TAMM41: variants seen among roughly 807,000 people sequenced by gnomAD.
TAMM41 encodes the protein phosphatidate cytidylyltransferase, mitochondrial.
In TAMM41, 36 loss-of-function variants were observed where a neutral mutation model predicts 44.1. The observed-to-expected ratio is 0.82, with a 90% CI of 0.63 to 1.08. The LOEUF (loss-of-function observed/expected upper bound fraction) is 1.08, where lower values mean the gene tolerates loss of function less well. TAMM41 is among the 50% of genes least tolerant of loss of function. The pLI is 0.00. For synonymous variants in TAMM41, 164 were observed against 153.1 expected (o/e 1.07, Z -0.53); for missense variants, 417 against 404.3 (o/e 1.03, Z -0.27).
intron 3 of TAMM41, among the ~76,000 whole-genome samples, chr3:11,838,082 C>A (rs146394456): frequency 5.3e-5 from 8 of 152,228 alleles, no homozygotes; most frequent in South Asian, 2.1e-4. Flanking sequence ...AAGCCTCCCC[C>A]ACTTCAGACA....
intron 5 of TAMM41, among the ~76,000 whole-genome samples, chr3:11,813,866 A>ATATATATG (rs536019413): frequency 2.7e-4 from 38 of 142,832 alleles, no homozygotes; most frequent in South Asian, 1.1e-3. Context: ...GTATGTATGT[A>ATATATATG]TATATATGTA....
Position 11,829,646 on chromosome 3 carries a change from C to T in TAMM41, c.562+68G>A, listed in dbSNP as rs1465011802. 15 of 1,561,046 alleles carry T rather than the reference C, an allele frequency of 9.6e-6. 1 individual carries two copies. In the Middle Eastern group the frequency reaches 1.4e-3, roughly 143 times the overall value. ...TAGCAGCTCCAGGGCCGAGTGAGAA[C>T]AGGATATCCGCAGTCTTCAAATATA... On this transcript the variant is annotated intron_variant, in intron 4 of 7. Coordinates refer to ENST00000455809, the MANE Select transcript of TAMM41 (RefSeq NM_001284401.2).
the TAMM41 span, among the ~76,000 whole-genome samples, chr3:11,751,460 T>C: frequency 1.3e-5 from 2 of 152,156 alleles, no homozygotes. Flanking sequence ...GCCCCACGAA[T>C]AGCACTGAGC....
At chr3:11,788,350 A>G (rs1365643521), downstream of TAMM41, among the ~76,000 whole-genome samples, 1 of 152,258 alleles carries the variant, frequency 6.6e-6, no homozygotes, top group African/African-American at 2.4e-5. Flanking sequence ...GCTGGAATAC[A>G]GCGGCACAAT....
chr3:11,807,558 A>G, intron 7 of TAMM41: 1 of 1,536,172 alleles, frequency 6.5e-7, no homozygotes, highest in South Asian at 1.2e-5. Flanking sequence ...AAATAAAACA[A>G]TATGAGGGAA....
the TAMM41 span, among the ~76,000 whole-genome samples, chr3:11,755,059 T>C: frequency 7.2e-5 from 11 of 151,762 alleles, no homozygotes; most frequent in African/African-American, 2.7e-4. Flanking sequence ...TGACCACAGC[T>C]CTTCCCTAGG....
At chr3:11,786,977 C>T (rs2077421440), downstream of TAMM41, among the ~76,000 whole-genome samples, 1 of 152,200 alleles carries the variant, frequency 6.6e-6, no homozygotes, top group African/African-American at 2.4e-5. Context: ...CTAGGCAGGT[C>T]CTGCTTGGGC....
chr3:11,740,183 A>G, the TAMM41 span, among the ~76,000 whole-genome samples: 2 of 152,192 alleles, frequency 1.3e-5, no homozygotes, highest in East Asian at 3.8e-4. Context: ...CCACCATTGG[A>G]CAGAAAATAG....
At chr3:11,753,573 A>T in the TAMM41 span, among the ~76,000 whole-genome samples, 15 of 151,400 alleles carry the variant, frequency 9.9e-5, no homozygotes, top group African/African-American at 3.4e-4. Flanking sequence ...AAATAAAAAA[A>T]AATAAAAAAT....
chr3:11,807,390 T>C (rs1294484652), intron 7 of TAMM41: 3 of 1,519,564 alleles, frequency 2.0e-6, no homozygotes, highest in Admixed American at 2.1e-5. Flanking sequence ...AGTTGAAACG[T>C]AGAGAAGGAG....
chr3:11,844,949 A>G, intron 1 of TAMM41: 1 of 456,752 alleles, frequency 2.2e-6, no homozygotes. Context: ...CCTAGAGATG[A>G]CAAATCTGAG....
chr3:11,824,052 C>T (rs957967545), intron 4 of TAMM41, among the ~76,000 whole-genome samples: 1 of 151,988 alleles, frequency 6.6e-6, no homozygotes, highest in Non-Finnish European at 1.5e-5. Context: ...GTCTGGAACC[C>T]CTGACCTCAA....
chr3:11,730,637 G>C, the TAMM41 span, among the ~76,000 whole-genome samples: 3 of 150,932 alleles, frequency 2.0e-5, no homozygotes, highest in Non-Finnish European at 2.9e-5. Context: ...GGGAGGCTGA[G>C]GCAAGAGAAT....
chr3:11,756,049 C>T, the TAMM41 span, among the ~76,000 whole-genome samples: 2 of 152,076 alleles, frequency 1.3e-5, no homozygotes, highest in Admixed American at 1.3e-4. Flanking sequence ...CCTTTAAGAC[C>T]TTAGCAATCA....
At chr3:11,811,258 C>A (rs1281003551) in intron 5 of TAMM41, 1 of 152,020 alleles carries the variant, frequency 6.6e-6, no homozygotes, top group African/African-American at 2.4e-5. Flanking sequence ...AGGCCCCATC[C>A]TCTACTTAGC....
chr3:11,760,857 G>A, the TAMM41 span, among the ~76,000 whole-genome samples: 6 of 150,156 alleles, frequency 4.0e-5, no homozygotes, highest in Non-Finnish European at 8.9e-5. Flanking sequence ...CACCACGCTC[G>A]ACCAAGTCAT....
chr3:11,824,686 C>T (rs2078669167), intron 4 of TAMM41, among the ~76,000 whole-genome samples: 1 of 152,132 alleles, frequency 6.6e-6, no homozygotes, highest in Admixed American at 6.5e-5. Flanking sequence ...CAGTATAATC[C>T]ACTCATCAAA....
chr3:11,771,607 G>A, the TAMM41 span, among the ~76,000 whole-genome samples: 8 of 152,144 alleles, frequency 5.3e-5, no homozygotes, highest in African/African-American at 7.2e-5. Flanking sequence ...TTGAGACAGA[G>A]TTTAGCTCTT....
At chr3:11,756,439 T>C in the TAMM41 span, among the ~76,000 whole-genome samples, 24,589 of 152,206 alleles carry the variant, frequency 0.16, 2,151 homozygotes, top group Non-Finnish European at 0.2. Context: ...AGTCTCTCAG[T>C]TAATATTCAC....
Sources: gnomAD v4.1 joint callset for allele counts (sites outside exome capture counted in the v4.1 genomes callset) on GRCh38, gnomAD v4.1.1 for gene constraint, MANE v1.5 for transcripts, NCBI Gene and HGNC (gene_info 2026-07-23, HGNC 2026-07-21) for gene names.